The following GNAL variants were observed in gnomAD, a reference collection of about 807,000 sequenced individuals.
GNAL encodes guanine nucleotide-binding protein G(olf) subunit alpha.
GNAL carries 18 observed loss-of-function variants against 55.1 expected under a neutral mutation model. The ratio of observed to expected loss-of-function variants is 0.33; its 90% CI spans 0.23 to 0.48. The LOEUF (loss-of-function observed/expected upper bound fraction) is 0.48, where lower values mean the gene tolerates loss of function less well. GNAL is among the 20% of genes least tolerant of loss of function. GNAL has a pLI of 0.99. For synonymous variants in GNAL, 253 were observed against 237.0 expected, an observed-to-expected ratio of 1.07 and a Z score of -0.62; for missense variants, 412 against 614.1, an observed-to-expected ratio of 0.67 and a Z score of 3.48.
In GNAL at chr18:11,824,932, T is replaced by C. The variant is rs1277239510; in HGVS notation, c.639T>C (p.His213=). The part of the protein sequence containing the change: ...DFEYSQEFFD[H]VKKLWDDEGV... ...TCAAACTTTAGGAATTCTTTGACCA[T>C]GTGAAAAAACTTTGGGACGATGAAG... is the stretch of plus-strand genomic sequence containing the variant. Residue 213 remains histidine, a synonymous_variant, in exon 5 of 12, where the codon CAT becomes CAC. Transcript: ENST00000334049. 2 of 1,581,188 alleles carry C rather than the reference T, an allele frequency of 1.3e-6. No individual in the cohort carries two copies. The highest frequency in any genetic ancestry group is 1.7e-6 in the Non-Finnish European group (2 of 1,153,834).
At chr18:11,767,287 G>T (rs935178715) in intron 4 of GNAL, among the ~76,000 whole-genome samples, 1 of 149,734 alleles carries the variant, frequency 6.7e-6, no homozygotes, top group Non-Finnish European at 1.5e-5. Context: ...GCACCCTTAT[G>T]CTTGCACATT....
chr18:11,831,410 A>G (rs1409409673), intron 5 of GNAL, among the ~76,000 whole-genome samples: 6 of 152,098 alleles, frequency 3.9e-5, no homozygotes, highest in African/African-American at 1.4e-4. Flanking sequence ...ATGCCCCCAC[A>G]CACTCTCTCC....
chr18:11,764,312 G>A (rs1252153186), intron 4 of GNAL, among the ~76,000 whole-genome samples: 1 of 151,854 alleles, frequency 6.6e-6, no homozygotes, highest in Non-Finnish European at 1.5e-5. Flanking sequence ...TCACTATGTT[G>A]GCCAGGCTGG....
chr18:11,744,593 T>A, intron 1 of GNAL, among the ~76,000 whole-genome samples: 1 of 152,238 alleles, frequency 6.6e-6, no homozygotes, highest in East Asian at 1.9e-4. Flanking sequence ...GTGTGCACAC[T>A]GGTCACTCAG....
At chr18:11,749,125 C>CAAAA (rs368135476) in intron 1 of GNAL, among the ~76,000 whole-genome samples, 3 of 86,544 alleles carry the variant, frequency 3.5e-5, no homozygotes, top group South Asian at 3.6e-4. Flanking sequence ...GACTCCATCT[C>CAAAA]AAAAAAAAAA....
chr18:11,757,239 A>G (rs1209460494), intron 4 of GNAL, among the ~76,000 whole-genome samples: 2 of 152,218 alleles, frequency 1.3e-5, no homozygotes, highest in Admixed American at 6.5e-5. Context: ...GTTAGTACCT[A>G]TCAGCCAAGG....
intron 1 of GNAL, among the ~76,000 whole-genome samples, chr18:11,711,413 T>G (rs1395075025): frequency 6.6e-6 from 1 of 152,192 alleles, no homozygotes; most frequent in East Asian, 1.9e-4. Flanking sequence ...TTTTTTCCTT[T>G]TTACTCTTCT....
intron 1 of GNAL, among the ~76,000 whole-genome samples, chr18:11,699,040 A>C (rs1346085269): frequency 6.6e-6 from 1 of 152,228 alleles, no homozygotes; most frequent in East Asian, 1.9e-4. Flanking sequence ...CCAAGGGCCC[A>C]AAATCACTTC....
At chr18:11,782,815 G>C (rs2033956791) in intron 4 of GNAL, among the ~76,000 whole-genome samples, 1 of 152,176 alleles carries the variant, frequency 6.6e-6, no homozygotes, top group South Asian at 2.1e-4. Flanking sequence ...CTTTCTTCGT[G>C]CTGTGTTGTC....
At chr18:11,745,341 T>A (rs1164344742) in intron 1 of GNAL, among the ~76,000 whole-genome samples, 1 of 152,224 alleles carries the variant, frequency 6.6e-6, no homozygotes, top group South Asian at 2.1e-4. Context: ...TATTGGGGAC[T>A]TAAGCTCAGC....
At chr18:11,851,400 C>G (rs1453051419) in intron 5 of GNAL, 1 of 1,322,000 alleles carries the variant, frequency 7.6e-7, no homozygotes, top group Non-Finnish European at 1.0e-6. Flanking sequence ...ACAGTAGAAA[C>G]AGGAAGTGGG....
chr18:11,821,742 G>A (rs2143631079), intron 4 of GNAL, among the ~76,000 whole-genome samples: 1 of 152,336 alleles, frequency 6.6e-6, no homozygotes, highest in East Asian at 1.9e-4. Flanking sequence ...AGAGGCAGGT[G>A]GGGCGGTGAT....
intron 1 of GNAL, among the ~76,000 whole-genome samples, chr18:11,695,430 C>A (rs2031377835): frequency 6.6e-6 from 1 of 152,210 alleles, no homozygotes; most frequent in African/African-American, 2.4e-5. Flanking sequence ...TAAAAGCATA[C>A]TTGATGTGAA....
chr18:11,755,662 T>A (rs2033030246), intron 4 of GNAL, among the ~76,000 whole-genome samples: 1 of 151,992 alleles, frequency 6.6e-6, no homozygotes, highest in African/African-American at 2.4e-5. Context: ...GCCAGTGATA[T>A]CTGTAGAATT....
chr18:11,796,111 T>G (rs1398946816), intron 4 of GNAL, among the ~76,000 whole-genome samples: 1 of 152,102 alleles, frequency 6.6e-6, no homozygotes, highest in Non-Finnish European at 1.5e-5. Flanking sequence ...TTCATTAACT[T>G]TATATACACA....
chr18:11,728,473 A>G (rs2032264111), intron 1 of GNAL, among the ~76,000 whole-genome samples: 1 of 152,168 alleles, frequency 6.6e-6, no homozygotes, highest in Non-Finnish European at 1.5e-5. Context: ...ACTTGCTTCC[A>G]GGAGCTCCAC....
Position 11,752,429 on chromosome 18 carries a change from C to G in GNAL, c.377-424C>G, listed in dbSNP as rs770959793. 3 of 1,602,564 alleles carry G rather than the reference C, an allele frequency of 1.9e-6. No homozygotes were observed. The highest frequency in any genetic ancestry group is 1.7e-4 in the Middle Eastern group (1 of 6,026). On this transcript the variant is annotated intron_variant, in intron 1 of 11. Coordinates refer to ENST00000334049, the MANE Select transcript of GNAL (RefSeq NM_182978.4). This position sits in a 1 kb window ranked among gnomAD's most constrained non-coding sequence, Gnocchi z 4.5. ...ACTTCCTGACGTCCATCCCAGCGGGCAGGCATGGGGTGTTTGGGCGGCAAC... is the reference window on the plus strand; with the variant it reads ...ACTTCCTGACGTCCATCCCAGCGGGGAGGCATGGGGTGTTTGGGCGGCAAC...
At chr18:11,748,759 A>AT (rs1379481725) in intron 1 of GNAL, among the ~76,000 whole-genome samples, 1 of 152,164 alleles carries the variant, frequency 6.6e-6, no homozygotes, top group Non-Finnish European at 1.5e-5. Context: ...AAATCTTGAC[A>AT]TTAAAAAAAA....
intron 4 of GNAL, among the ~76,000 whole-genome samples, chr18:11,757,381 C>T (rs369577349): frequency 3.6e-4 from 54 of 152,046 alleles, no homozygotes; most frequent in African/African-American, 1.2e-3. Context: ...TGTGTTTCAT[C>T]AAGATCACTC....
Sources: gnomAD v4.1 joint callset for allele counts (sites outside exome capture counted in the v4.1 genomes callset) on GRCh38, gnomAD v4.1.1 for gene constraint, Gnocchi (gnomAD v3.1) non-coding constraint, MANE v1.5 for transcripts, NCBI Gene and HGNC (gene_info 2026-07-23, HGNC 2026-07-21) for gene names.